The following NALCN variants were observed in gnomAD, a reference collection of about 807,000 sequenced individuals.
NALCN encodes sodium leak channel NALCN.
A neutral mutation model predicts 225.3 loss-of-function variants in NALCN; 111 were observed. The observed-to-expected ratio is 0.49, with a 90% CI of 0.42 to 0.58. The LOEUF is 0.58. Among genes scored for constraint, NALCN ranks in the 20% least tolerant of loss-of-function variants. NALCN has a pLI of 0.00. For synonymous variants in NALCN, 764 were observed against 769.0 expected (o/e 0.99, Z 0.11); for missense variants, 1,378 against 2,202.4 (o/e 0.63, Z 7.49).
chr13:101,294,773 G>T (rs1176235733), intron 7 of NALCN, among the ~76,000 whole-genome samples: 2 of 152,036 alleles, frequency 1.3e-5, no homozygotes, highest in South Asian at 2.1e-4. Flanking sequence ...ATATCTGTAT[G>T]CAGAAGTACA....
At chr13:101,270,034 G>A (rs1200777066) in intron 10 of NALCN, among the ~76,000 whole-genome samples, 1 of 152,008 alleles carries the variant, frequency 6.6e-6, no homozygotes, top group Admixed American at 6.5e-5. Flanking sequence ...ATTTTTTTTA[G>A]CCTGATGTTC....
intron 15 of NALCN, among the ~76,000 whole-genome samples, chr13:101,170,459 G>A (rs35808129): frequency 0.13 from 20,069 of 152,084 alleles, 1,741 homozygotes; most frequent in East Asian, 0.43. Flanking sequence ...AGAACCACCC[G>A]ACAGATGCAC....
At chr13:101,173,647 G>T (rs1262704780) in intron 15 of NALCN, among the ~76,000 whole-genome samples, 3 of 152,102 alleles carry the variant, frequency 2.0e-5, no homozygotes, top group Non-Finnish European at 4.4e-5. Flanking sequence ...GAAGCAAAAA[G>T]TTTGAACGGA....
chr13:101,303,589 T>G (rs1275663482), intron 7 of NALCN, among the ~76,000 whole-genome samples: 2 of 152,130 alleles, frequency 1.3e-5, no homozygotes, highest in African/African-American at 4.8e-5. Flanking sequence ...CTTAGAATAG[T>G]GGCGAAAGAG....
chr13:101,157,542 A>T (rs992179060), intron 15 of NALCN, among the ~76,000 whole-genome samples: 23 of 152,220 alleles, frequency 1.5e-4, no homozygotes, highest in African/African-American at 5.5e-4. Flanking sequence ...GAAATCAGTC[A>T]TCCTCAATTA....
At chr13:101,269,202 G>T (rs1028055046) in intron 10 of NALCN, among the ~76,000 whole-genome samples, 7 of 103,460 alleles carry the variant, frequency 6.8e-5, no homozygotes, top group Non-Finnish European at 9.4e-5. Flanking sequence ...AGAAAGAGTA[G>T]AAAAAGCTCA....
At chr13:101,319,402 C>T (rs1197863241) in intron 7 of NALCN, among the ~76,000 whole-genome samples, 2 of 152,128 alleles carry the variant, frequency 1.3e-5, no homozygotes, top group Non-Finnish European at 2.9e-5. Flanking sequence ...CACAGGACAC[C>T]CAGGCTGGAG....
chr13:101,239,801 A>G (rs1408788684), intron 11 of NALCN, among the ~76,000 whole-genome samples: 1 of 152,102 alleles, frequency 6.6e-6, no homozygotes, highest in Non-Finnish European at 1.5e-5. Flanking sequence ...TTTTAAATTT[A>G]GAAAATATTA....
At chr13:101,172,869 C>A (rs2038796959) in intron 15 of NALCN, among the ~76,000 whole-genome samples, 2 of 152,148 alleles carry the variant, frequency 1.3e-5, no homozygotes, top group Admixed American at 6.5e-5. Flanking sequence ...GCCTGGCCAA[C>A]ACCCCCATTT....
chr13:101,067,693 G>C (rs1470241153), intron 39 of NALCN, among the ~76,000 whole-genome samples: 1 of 152,164 alleles, frequency 6.6e-6, no homozygotes, highest in African/African-American at 2.4e-5. Context: ...CTGGCCTTCG[G>C]AAAGTCTGAA....
chr13:101,381,657 G>C (rs2046852072), intron 3 of NALCN, among the ~76,000 whole-genome samples: 1 of 151,916 alleles, frequency 6.6e-6, no homozygotes. Context: ...CTTTAACCTA[G>C]GCAGTGTTCA....
chr13:101,279,609 G>A (rs1354902769), intron 10 of NALCN, among the ~76,000 whole-genome samples: 1 of 151,576 alleles, frequency 6.6e-6, no homozygotes, highest in South Asian at 2.1e-4. Context: ...GAGGTCAGGA[G>A]ATCGAGACCA....
intron 9 of NALCN, among the ~76,000 whole-genome samples, chr13:101,291,785 A>T (rs114302873): frequency 2.6e-5 from 4 of 152,104 alleles, no homozygotes; most frequent in Non-Finnish European, 5.9e-5. Context: ...CCTGGGCTCA[A>T]GCAATCCCTC....
chr13:101,108,350 A>C (rs1019481433), intron 20 of NALCN, among the ~76,000 whole-genome samples: 1 of 152,170 alleles, frequency 6.6e-6, no homozygotes, highest in African/African-American at 2.4e-5. Context: ...AGGATATGGC[A>C]AGTGGAAACA....
At chr13:101,098,789 G>A (rs527884138) in intron 27 of NALCN, among the ~76,000 whole-genome samples, 5 of 151,060 alleles carry the variant, frequency 3.3e-5, no homozygotes, top group South Asian at 2.2e-4. Flanking sequence ...CCTCGGCCTC[G>A]GCCTCTTATG....
intron 13 of NALCN, among the ~76,000 whole-genome samples, chr13:101,202,885 C>T (rs2040177708): frequency 1.3e-5 from 2 of 152,148 alleles, no homozygotes; most frequent in South Asian, 4.1e-4. Flanking sequence ...GCTGAGTATG[C>T]AGACCAGGAT....
chr13:101,298,475 C>G (rs578256410), intron 7 of NALCN, among the ~76,000 whole-genome samples: 1 of 152,132 alleles, frequency 6.6e-6, no homozygotes, highest in Non-Finnish European at 1.5e-5. Flanking sequence ...GCACATGCCA[C>G]CACGCCTGGC....
chr13:101,340,672 C>G lies in NALCN; in HGVS notation c.799+4594G>C, dbSNP rs145694527. Among the ~76,000 whole-genome samples the G allele has an allele frequency of 5.3e-5, 8 of 152,292 alleles. No individual in the cohort carries two copies. The East Asian group carries it at 1.5e-3, about 29-fold the overall frequency. ...CACTAATATAAAGTGGAGTCATGAT[C>G]TAAACCCCAGGGCCATTCTTTTGAA... On this transcript the variant is annotated intron_variant, in intron 7 of 43. Transcript: ENST00000251127.
chr13:101,201,151 A>AT (rs978711618), intron 13 of NALCN, among the ~76,000 whole-genome samples: 32 of 151,806 alleles, frequency 2.1e-4, no homozygotes, highest in Admixed American at 1.7e-3. Context: ...GGTCTATACT[A>AT]TTTTTTTTGA....
Sources: allele counts gnomAD v4.1 joint callset (sites outside exome capture counted in the v4.1 genomes callset), GRCh38; gene constraint gnomAD v4.1.1; transcripts MANE v1.5; gene names NCBI Gene and HGNC (gene_info 2026-07-23, HGNC 2026-07-21).